The following RGS3 variants were observed in gnomAD, a reference collection of about 807,000 sequenced individuals.
RGS3 encodes the protein regulator of G-protein signalling 3.
Under a neutral mutation model 132.6 loss-of-function variants are expected in RGS3, and 80 were observed. The ratio of observed to expected loss-of-function variants is 0.60; its 90% CI spans 0.50 to 0.73. The LOEUF (loss-of-function observed/expected upper bound fraction) is 0.73. Among genes scored for constraint, RGS3 ranks in the 30% least tolerant of loss-of-function variants. The pLI, the probability that RGS3 is intolerant of heterozygous loss-of-function variation, is 0.00. For missense variants in RGS3, 1,382 were observed against 1,530.8 expected (o/e 0.90, Z 1.62); for synonymous variants, 598 against 620.6 (o/e 0.96, Z 0.54).
intron 10 of RGS3, among the ~76,000 whole-genome samples, chr9:113,504,113 G>A (rs1036432401): frequency 2.0e-5 from 3 of 152,102 alleles, no homozygotes; most frequent in African/African-American, 7.2e-5. Context: ...GTCACTCTGA[G>A]CCCCCTCCCA....
In RGS3 at chr9:113,541,510, T is replaced by A. The variant is rs1832903229; in HGVS notation, c.2037+4592T>A. 6 of 1,559,380 alleles carry A rather than the reference T, an allele frequency of 3.8e-6. No homozygotes were observed. The East Asian group carries it at 1.4e-4, about 36-fold the overall frequency. ...TACCACACAGTAACCTCACCTCAACTGGACCTGAAACAGAGGACCAAGATG... is the reference window on the plus strand; with the variant it reads ...TACCACACAGTAACCTCACCTCAACAGGACCTGAAACAGAGGACCAAGATG... On this transcript the variant is annotated intron_variant, in intron 19 of 24. Coordinates refer to ENST00000350696, the Ensembl canonical transcript of RGS3.
intron 3 of RGS3, among the ~76,000 whole-genome samples, chr9:113,464,806 A>G (rs1829575055): frequency 6.6e-6 from 1 of 152,198 alleles, no homozygotes; most frequent in Non-Finnish European, 1.5e-5. Context: ...GACATTGCCC[A>G]GCTTTCAAAG....
chr9:113,570,499 G>A (rs1448564286), intron 19 of RGS3, among the ~76,000 whole-genome samples: 2 of 152,002 alleles, frequency 1.3e-5, no homozygotes, highest in Non-Finnish European at 1.5e-5. Flanking sequence ...TTGAAGTGCA[G>A]CATACTTCCA....
At chr9:113,449,104 G>A (rs1829183722) in intron 1 of RGS3, among the ~76,000 whole-genome samples, 1 of 152,206 alleles carries the variant, frequency 6.6e-6, no homozygotes, top group Admixed American at 6.5e-5. Context: ...GGGAGTGATA[G>A]CACTAAATCA....
chr9:113,453,210 A>G (rs1482388698), intron 1 of RGS3, among the ~76,000 whole-genome samples: 1 of 114,636 alleles, frequency 8.7e-6, no homozygotes, highest in Non-Finnish European at 1.7e-5. Context: ...TATACTCATT[A>G]TATGATTACA....
At chr9:113,472,063 C>G (rs942955994) in intron 3 of RGS3, among the ~76,000 whole-genome samples, 17 of 151,972 alleles carry the variant, frequency 1.1e-4, no homozygotes, top group African/African-American at 4.1e-4. Flanking sequence ...CAAATCAAAA[C>G]CACAATGAGA....
chr9:113,505,776 G>T (rs140450630), intron 11 of RGS3, among the ~76,000 whole-genome samples: 31 of 152,218 alleles, frequency 2.0e-4, no homozygotes, highest in Admixed American at 4.6e-4. Context: ...GTTTGAACAG[G>T]AACTAAACCT....
At chr9:113,462,110 A>G in exon 3 of RGS3, 1 of 1,614,110 alleles carries the variant, frequency 6.2e-7, no homozygotes, top group Non-Finnish European at 8.5e-7. Flanking sequence ...TGGAGTGGCT[A>G]AGCCCTGATA....
chr9:113,502,296 G>A (rs1160970651), intron 10 of RGS3, among the ~76,000 whole-genome samples: 1 of 152,224 alleles, frequency 6.6e-6, no homozygotes, highest in Non-Finnish European at 1.5e-5. Flanking sequence ...GGATGGTGAA[G>A]GCAAGTGATA....
chr9:113,493,406 G>A (rs1830584916), intron 7 of RGS3, among the ~76,000 whole-genome samples: 1 of 152,230 alleles, frequency 6.6e-6, no homozygotes, highest in Non-Finnish European at 1.5e-5. Flanking sequence ...GCTGGGAGCA[G>A]GAGTGATGAA....
rs1481532136 is a variant in RGS3, at chr9:113,507,537, G to A, written c.1336G>A (p.Ala446Thr). 6.3e-7 allele frequency: 1 copy of A among 1,598,994 alleles called. No individual in the cohort carries two copies. The highest frequency in any genetic ancestry group is 8.5e-7 in the Non-Finnish European group (1 of 1,171,978). The change falls in exon 13 of 25, where the codon GCC becomes ACC. Residue 446 changes from alanine (A) to threonine (T), a missense_variant. Transcript: ENST00000350696. This position sits in a 1 kb window ranked among gnomAD's most constrained non-coding sequence, Gnocchi z 5.0. ...CGGCTGGGAGCGCTACACCGAGGTGGCCAAGCGCGGGGGCCAGCACACCCT... is the reference window on the plus strand; with the variant it reads ...CGGCTGGGAGCGCTACACCGAGGTGACCAAGCGCGGGGGCCAGCACACCCT...
intron 18 of RGS3, chr9:113,536,402 T>A (rs1832676561): frequency 4.9e-6 from 4 of 823,248 alleles, no homozygotes; most frequent in Non-Finnish European, 5.9e-6. Context: ...GTGGGGAGGG[T>A]TCCTGGCTCC....
In RGS3 at chr9:113,494,630, G is replaced by T. The variant is rs115148672; in HGVS notation, c.690-1156G>T. 5.6e-3 allele frequency among the ~76,000 whole-genome samples: 853 copies of T among 152,250 alleles called. 10 individuals are homozygous for T. The highest frequency in any genetic ancestry group is 0.02 in the African/African-American group (822 of 41,540). On this transcript the variant is annotated intron_variant, in intron 7 of 24. Coordinates refer to ENST00000350696, the Ensembl canonical transcript of RGS3. ...GCCTCCTCAGTAGCTGGGGCTACAG[G>T]CTCATGCCACCATGCCCTGCTATTT...
In RGS3 at chr9:113,541,382, C is replaced by G. The variant is rs775966337; in HGVS notation, c.2037+4464C>G. ...GGCCGGTCAACTCAACCAATGCCAC[C>G]CAGGATAGAAGCTTTACCTCACCAG... is the stretch of plus-strand genomic sequence containing the variant. On this transcript the variant is annotated intron_variant, in intron 19 of 24. Coordinates refer to ENST00000350696, the Ensembl canonical transcript of RGS3. 1.9e-6 allele frequency: 3 copies of G among 1,613,842 alleles called. No homozygotes were observed. The South Asian group carries it at 3.3e-5, about 18-fold the overall frequency.
At chr9:113,473,963 G>C (rs1470598836) in intron 3 of RGS3, among the ~76,000 whole-genome samples, 1 of 152,134 alleles carries the variant, frequency 6.6e-6, no homozygotes. Context: ...GTGGTGTTAT[G>C]ATCCAGCCAA....
intron 19 of RGS3, among the ~76,000 whole-genome samples, chr9:113,540,421 T>C (rs761663145): frequency 6.6e-6 from 1 of 152,230 alleles, no homozygotes; most frequent in Non-Finnish European, 1.5e-5. Context: ...CGCTATGGAA[T>C]TCTCCTAATA....
At position 113,565,457 on chromosome 9, in the gene RGS3, GAA is replaced by G. The variant is rs1239055892; in HGVS notation, c.2038-17991_2038-17990del. ...GAGGGACGGGTGATGCAAGGGTTTT[GAA>G]AGCGCTACCTAGATGTGGGAGGTGG... On this transcript the variant is annotated intron_variant, in intron 19 of 24. Transcript: ENST00000350696. The surrounding 1 kb of genome is among the most constrained non-coding windows in gnomAD (Gnocchi z 5.7). 75 of 1,134,006 alleles carry G rather than the reference GAA, an allele frequency of 6.6e-5. No individual in the cohort carries two copies. Among genetic ancestry groups the G allele is most frequent in the Non-Finnish European group, 5.1e-5 (43 of 850,168 alleles). The allele number at this position is 1,134,006 out of a possible 1,614,324, so 70.2% of individuals were successfully genotyped here.
At chr9:113,569,578 T>TCTCCTTCC (rs1834175055) in intron 19 of RGS3, among the ~76,000 whole-genome samples, 1 of 88,912 alleles carries the variant, frequency 1.1e-5, no homozygotes, top group Non-Finnish European at 2.2e-5. Flanking sequence ...TCTTTCCTTC[T>TCTCCTTCC]TTCCTTCCTT....
At chr9:113,471,660 T>C (rs1251159277) in intron 3 of RGS3, among the ~76,000 whole-genome samples, 1 of 151,598 alleles carries the variant, frequency 6.6e-6, no homozygotes. Context: ...CTCCCCGCTC[T>C]CTCTCTCCGT....
Sources: gnomAD v4.1 joint callset for allele counts (sites outside exome capture counted in the v4.1 genomes callset) on GRCh38, gnomAD v4.1.1 for gene constraint, Gnocchi (gnomAD v3.1) non-coding constraint, MANE v1.5 for transcripts, NCBI Gene and HGNC (gene_info 2026-07-23, HGNC 2026-07-21) for gene names.